The following PRDM13 variants were observed in gnomAD, a reference collection of about 807,000 sequenced individuals.
The protein encoded by PRDM13 is PR/SET domain 13.
Under a neutral mutation model 36.4 loss-of-function variants are expected in PRDM13, and 15 were observed. The ratio of observed to expected loss-of-function variants is 0.41; its 90% CI spans 0.28 to 0.64. The LOEUF is 0.64. Ranked by LOEUF, PRDM13 falls within the 30% of genes least tolerant of loss-of-function variation. The pLI, the probability that PRDM13 is intolerant of heterozygous loss-of-function variation, is 0.29. For missense variants in PRDM13, 1,044 were observed against 1,013.5 expected, an observed-to-expected ratio of 1.03 and a Z score of -0.41; for synonymous variants, 531 against 467.7, an observed-to-expected ratio of 1.14 and a Z score of -1.75.
Position 99,607,142 on chromosome 6 carries a change from C to A in PRDM13, c.108C>A (p.Tyr36Ter), listed in dbSNP as rs769849205. The change falls in exon 1 of 4, where the codon TAC (tyrosine) becomes TAA (stop). Residue 36 changes from tyrosine (Y) to a stop codon, truncating the protein, a stop_gained. Coordinates refer to ENST00000369215, the MANE Select transcript of PRDM13 (RefSeq NM_021620.4). LOFTEE classifies it high-confidence loss of function. ...CTGGTACCTTCAAGCTGGGCAAGTA[C>A]CTGTCAGACCGCAGGGAGCCCGGGC... ...PVPGTFKLGK[Y>*]LSDRREPGPK... 1.2e-6 allele frequency: 2 copies of A among 1,613,940 alleles called. No homozygotes were observed. The highest frequency in any genetic ancestry group is 1.7e-6 in the Non-Finnish European group (2 of 1,180,008).
At chr6:99,610,217 A>T (rs904164681) in intron 3 of PRDM13, among the ~76,000 whole-genome samples, 2 of 152,236 alleles carry the variant, frequency 1.3e-5, no homozygotes, top group Admixed American at 6.5e-5. Flanking sequence ...GAGCGGATTT[A>T]TGCAAATTAA....
At position 99,607,011 on chromosome 6, in the gene PRDM13, G is replaced by T. The variant is rs756494454; in HGVS notation, c.-24G>T. 1.5e-5 allele frequency: 24 copies of T among 1,597,880 alleles called. 1 individual carries two copies. The South Asian group carries it at 2.7e-4, about 18-fold the overall frequency. On this transcript the variant is annotated 5_prime_UTR_variant, in exon 1 of 4. Transcript: ENST00000369215. ...TTCCAAGGACCTGGAGCACCCGAGC[G>T]CCTGCCTGGTGGCGGCGGCAACAAT...
Position 99,613,851 on chromosome 6 carries a change from G to C in PRDM13, c.1216G>C (p.Glu406Gln). 1 of 1,509,144 alleles carries C rather than the reference G, an allele frequency of 6.6e-7. No individual in the cohort carries two copies. Among genetic ancestry groups the C allele is most frequent in the Non-Finnish European group, 8.8e-7 (1 of 1,135,802 alleles). 93.5% of individuals were successfully genotyped at this position (1,509,144 alleles called of 1,614,324 possible). The change falls in exon 4 of 4, where the codon GAG (glutamate) becomes CAG (glutamine). Residue 406 changes from glutamate (E) to glutamine (Q), a missense_variant. Physicochemically the swap from Glu to Gln is conservative, Grantham distance 29. Coordinates refer to ENST00000369215, the MANE Select transcript of PRDM13 (RefSeq NM_021620.4). The surrounding 1 kb of genome is among the most constrained non-coding windows in gnomAD (Gnocchi z 6.1). ...PEEASAFKHV[E>Q]RAPPAAAALP... ...AGAGGCGTCCGCCTTCAAGCACGTG[G>C]AGCGCGCCCCGCCCGCAGCCGCCGC...
At position 99,614,465 on chromosome 6, in the gene PRDM13, C is replaced by T. The variant is rs1305593098; in HGVS notation, c.1830C>T (p.Phe610=). 1.2e-6 allele frequency: 2 copies of T among 1,613,506 alleles called. No individual in the cohort carries two copies. Among genetic ancestry groups the T allele is most frequent in the African/African-American group, 1.3e-5 (1 of 75,066 alleles). Residue 610 remains phenylalanine, a synonymous_variant, in exon 4 of 4, where the codon TTC becomes TTT. Transcript: ENST00000369215. ...PLKCKVCLRP[F]GDPSNLNKHI... The stretch of plus-strand genomic sequence containing the variant: ...AGTGCAAAGTCTGTCTGCGGCCCTT[C>T]GGCGACCCCAGCAATCTCAACAAGC...
intron 1 of PRDM13, among the ~76,000 whole-genome samples, chr6:99,608,427 G>C (rs1422048114): frequency 6.6e-6 from 1 of 152,166 alleles, no homozygotes; most frequent in Non-Finnish European, 1.5e-5. Context: ...GGGAGAGCTG[G>C]GGTAGGGGAC....
In PRDM13 at chr6:99,614,817, G is replaced by A. The variant is rs1184288162; in HGVS notation, c.*58G>A. The A allele has an allele frequency of 2.1e-5, 32 of 1,511,414 alleles. No homozygotes were observed. Among genetic ancestry groups the A allele is most frequent in the Non-Finnish European group, 2.7e-5 (31 of 1,132,082 alleles). 93.6% of individuals were successfully genotyped at this position (1,511,414 alleles called of 1,614,324 possible). ...AGAGAGGAGTCGAGGGTTTATTCTC[G>A]CAGTAGAGGAACTCCTGGTGGTGGG... On this transcript the variant is annotated 3_prime_UTR_variant, in exon 4 of 4. Coordinates refer to ENST00000369215, the MANE Select transcript of PRDM13 (RefSeq NM_021620.4).
At chr6:99,612,958 G>T (rs1321771323) in intron 3 of PRDM13, 75 bp from the exon 4 acceptor site, 31 of 1,574,264 alleles carry the variant, frequency 2.0e-5, no homozygotes, top group Non-Finnish European at 2.6e-5. Context: ...GCTTTGCCTT[G>T]GGTGCACTGG....
rs1177991580 is a variant in PRDM13 at position 99,608,878 on chromosome 6, G to C, written c.276+6G>C. ...CAGACTTACCCGGAGGACAGGTACT[G>C]CGGGCTTCTCTCCACACCCCCCCAC... On this transcript the variant is annotated splice_donor_region_variant and intron_variant, in intron 2 of 3. Transcript: ENST00000369215. 1.9e-6 allele frequency: 3 copies of C among 1,609,908 alleles called. No homozygotes were observed. The highest frequency in any genetic ancestry group is 2.5e-6 in the Non-Finnish European group (3 of 1,177,986).
In PRDM13 at chr6:99,615,024, G is replaced by C. The variant is rs1022654907; in HGVS notation, c.*265G>C. ...GCACCCCGGGCCTCTGGACTTCTTG[G>C]ATGAGCTCACCCTGAACCGCCCAGG... On this transcript the variant is annotated 3_prime_UTR_variant, in exon 4 of 4. Coordinates refer to ENST00000369215, the MANE Select transcript of PRDM13 (RefSeq NM_021620.4). 1.1e-5 allele frequency: 6 copies of C among 539,982 alleles called. No homozygotes were observed. The highest frequency in any genetic ancestry group is 7.7e-5 in the African/African-American group (4 of 52,026). The allele number at this position is 539,982 out of a possible 1,614,324, so 33.4% of individuals were successfully genotyped here.
In PRDM13 at chr6:99,614,748, C is replaced by G; in HGVS notation, c.2113C>G (p.Arg705Gly). ...SDPEVGGGGE[R>G]DL is the part of the protein sequence containing the mutation. ...CCCCGAGGTTGGGGGCGGCGGGGAG[C>G]GCGACTTGTAACGAGTCTTCCCGGG... The change falls in exon 4 of 4, where the codon CGC (arginine) becomes GGC (glycine). Residue 705 changes from arginine (R) to glycine (G), a missense_variant. This residue lies in a region of PRDM13 where 115 missense variants were observed against 122.1 expected (regional missense o/e 0.94). Coordinates refer to ENST00000369215, the MANE Select transcript of PRDM13 (RefSeq NM_021620.4). 1 of 1,570,998 alleles carries G rather than the reference C, an allele frequency of 6.4e-7. No individual in the cohort carries two copies.
Position 99,613,504 on chromosome 6 carries a change from G to A in PRDM13, c.869G>A (p.Gly290Asp), listed in dbSNP as rs1583616301. Residue 290 changes from glycine to aspartate, a missense_variant, in exon 4 of 4, where the codon GGC (glycine) becomes GAC (aspartate). Around this residue, in one of 3 missense-constraint regions of PRDM13, gnomAD observed 921 missense variants for 865.2 expected, o/e 1.06. Transcript: ENST00000369215. The surrounding 1 kb of genome is among the most constrained non-coding windows in gnomAD (Gnocchi z 6.1). ...GTCGGCAGCCTGGCTTTCTACCCCG[G>A]CGTGCGCTCAGCTTTCAAGCCCGCC... ...AGVGSLAFYPGVRSAFKPAGL... is the reference protein window; with the variant it reads ...AGVGSLAFYPDVRSAFKPAGL... 6.6e-7 allele frequency: 1 copy of A among 1,519,090 alleles called. No homozygotes were observed. The highest frequency in any genetic ancestry group is 1.8e-4 in the Middle Eastern group (1 of 5,704). The allele number at this position is 1,519,090 out of a possible 1,614,324, so 94.1% of individuals were successfully genotyped here.
intron 1 of PRDM13, among the ~76,000 whole-genome samples, chr6:99,608,402 C>T (rs1391995383): frequency 6.6e-6 from 1 of 152,136 alleles, no homozygotes; most frequent in Non-Finnish European, 1.5e-5. Context: ...TACGGCTGCT[C>T]TCAGAACTGC....
At position 99,613,035 on chromosome 6, in the gene PRDM13, G is replaced by A. The variant is rs202002402; in HGVS notation, c.400G>A (p.Glu134Lys). The A allele has an allele frequency of 3.1e-6, 5 of 1,613,498 alleles. No individual in the cohort carries two copies. The highest frequency in any genetic ancestry group is 2.7e-5 in the African/African-American group (2 of 74,938). ...CTTTTCCATTCTTTCTTGCCCAGGG[G>A]AGGAGCGCTACATCTGCTGGTACTG... is the stretch of plus-strand genomic sequence containing the variant. ...TATPTHDEKG[E>K]ERYICWYCWR... Residue 134 changes from glutamate (E) to lysine (K), a missense_variant and splice_region_variant, in exon 4 of 4, where the codon GAG becomes AAG. Physicochemically the swap from Glu to Lys is moderately conservative, Grantham distance 56. Transcript: ENST00000369215. This position sits in a 1 kb window ranked among gnomAD's most constrained non-coding sequence, Gnocchi z 6.1.
At position 99,609,211 on chromosome 6, in the gene PRDM13, G is replaced by A. The variant is rs200669369; in HGVS notation, c.301G>A (p.Val101Ile). 27 of 1,613,456 alleles carry A rather than the reference G, an allele frequency of 1.7e-5. No individual in the cohort carries two copies. Among genetic ancestry groups the A allele is most frequent in the African/African-American group, 1.6e-4 (12 of 74,878 alleles). ...GQIFYRALRD[V>I]QPGEELTVWY... is the part of the protein sequence containing the mutation. Reference sequence around the variant, plus strand: ...GATCTTCTACCGAGCATTGCGAGACGTCCAGCCAGGGGAGGAGCTGACAGT... The same window carrying A: ...GATCTTCTACCGAGCATTGCGAGACATCCAGCCAGGGGAGGAGCTGACAGT... The change falls in exon 3 of 4, where the codon GTC becomes ATC. Residue 101 changes from valine to isoleucine, a missense_variant. This residue lies in a region of PRDM13 where 921 missense variants were observed against 865.2 expected (regional missense o/e 1.06). Coordinates refer to ENST00000369215, the MANE Select transcript of PRDM13 (RefSeq NM_021620.4).
intron 1 of PRDM13, among the ~76,000 whole-genome samples, chr6:99,607,724 A>G (rs1289611989): frequency 6.6e-6 from 1 of 151,712 alleles, no homozygotes; most frequent in Non-Finnish European, 1.5e-5. Context: ...GCTTGTGGGT[A>G]TGCGGCATAT....
At chr6:99,612,473 GGGGTGGAAT>G (rs1770045338) in intron 3 of PRDM13, among the ~76,000 whole-genome samples, 1 of 152,190 alleles carries the variant, frequency 6.6e-6, no homozygotes, top group African/African-American at 2.4e-5. Flanking sequence ...AGGCTGGAAG[GGGGTGGAAT>G]GGGTGGGTAG....
At chr6:99,609,020 C>T in intron 2 of PRDM13, 148 bp downstream of exon 2, 2 of 1,395,720 alleles carry the variant, frequency 1.4e-6, no homozygotes, top group Non-Finnish European at 1.9e-6. Flanking sequence ...AAGGTAGTTA[C>T]TATTGTTTTT....
Position 99,613,757 on chromosome 6 carries a change from G to T in PRDM13, c.1122G>T (p.Pro374=). ...PKCLLAGDPP[P]PPPPGLPCSG... is the part of the protein sequence containing the mutation. ...GCCTGCTCGCTGGGGACCCGCCGCC[G>T]CCGCCGCCGCCTGGCCTGCCCTGCT... is the stretch of plus-strand genomic sequence containing the variant. The change falls in exon 4 of 4, where the codon CCG becomes CCT. Residue 374 remains proline, a synonymous_variant. Coordinates refer to ENST00000369215, the MANE Select transcript of PRDM13 (RefSeq NM_021620.4). This position sits in a 1 kb window ranked among gnomAD's most constrained non-coding sequence, Gnocchi z 6.1. The T allele has an allele frequency of 6.7e-7, 1 of 1,484,252 alleles. No homozygotes were observed. The highest frequency in any genetic ancestry group is 1.3e-5 in the South Asian group (1 of 79,662). The allele number at this position is 1,484,252 out of a possible 1,614,324, so 91.9% of individuals were successfully genotyped here.
intron 2 of PRDM13, 63 bp downstream of exon 2, chr6:99,608,935 C>A: frequency 6.4e-7 from 1 of 1,554,462 alleles, no homozygotes; most frequent in African/African-American, 1.4e-5. Context: ...ACCTAACCGT[C>A]CCTGCGGTGG....
Sources: allele counts gnomAD v4.1 joint callset (sites outside exome capture counted in the v4.1 genomes callset), GRCh38; gene constraint gnomAD v4.1.1; regional missense constraint gnomAD v4.1.1; non-coding constraint Gnocchi (gnomAD v3.1); transcripts MANE v1.5; gene names NCBI Gene and HGNC (gene_info 2026-07-23, HGNC 2026-07-21).